The following CHCHD4 variants were observed in gnomAD, a reference collection of about 807,000 sequenced individuals.
CHCHD4 encodes the protein coiled-coil-helix-coiled-coil-helix domain containing 4.
A neutral mutation model predicts 12.4 loss-of-function variants in CHCHD4; 7 were observed. The observed-to-expected ratio is 0.57, with a 90% CI of 0.32 to 1.06. The LOEUF (loss-of-function observed/expected upper bound fraction) is 1.06, where lower values mean the gene tolerates loss of function less well. CHCHD4 is among the 50% of genes least tolerant of loss of function. The probability of loss-of-function intolerance (pLI) is 0.04; values close to 1 mark genes in which losing one functional copy is unlikely to be tolerated. For missense variants in CHCHD4, 143 were observed against 175.1 expected (o/e 0.82, Z 1.03); for synonymous variants, 56 against 58.0 (o/e 0.97, Z 0.16).
intron 1 of CHCHD4, chr3:14,122,114 A>G (rs776104856): frequency 1.9e-6 from 3 of 1,550,750 alleles, no homozygotes; most frequent in Non-Finnish European, 2.6e-6. Context: ...GGTTTTAAGT[A>G]GTGTTCGCTC....
chr3:14,120,140 C>G (rs1037747978), intron 1 of CHCHD4, among the ~76,000 whole-genome samples: 5 of 151,974 alleles, frequency 3.3e-5, no homozygotes, highest in Admixed American at 6.6e-5. Flanking sequence ...ACTGGAGGCC[C>G]GAGGGGTTAC....
intron 2 of CHCHD4, among the ~76,000 whole-genome samples, chr3:14,114,571 C>A (rs543552809): frequency 1.9e-3 from 288 of 152,306 alleles, no homozygotes; most frequent in Middle Eastern, 6.8e-3. Context: ...AGCTTCAAAT[C>A]TGCTCACAAA....
intron 1 of CHCHD4, chr3:14,122,175 G>C: frequency 6.8e-7 from 1 of 1,471,834 alleles, no homozygotes; most frequent in Non-Finnish European, 9.0e-7. Context: ...GCATTTAAAA[G>C]GATGTCTGAA....
At chr3:14,123,544 G>A (rs1464002297) in intron 1 of CHCHD4, among the ~76,000 whole-genome samples, 2 of 152,228 alleles carry the variant, frequency 1.3e-5, no homozygotes, top group Non-Finnish European at 1.5e-5. Context: ...CTAACTGGAT[G>A]TGTAACTACA....
At position 14,120,020 on chromosome 3, in the gene CHCHD4, C is replaced by T. The variant is rs550177673; in HGVS notation, c.23-3496G>A. Among the ~76,000 whole-genome samples the T allele has an allele frequency of 2.6e-5, 4 of 152,256 alleles. 1 individual carries two copies. The Middle Eastern group carries it at 0.01, about 388-fold the overall frequency. On this transcript the variant is annotated intron_variant, in intron 1 of 2. Coordinates refer to ENST00000396914, the MANE Select transcript of CHCHD4 (RefSeq NM_001098502.2). ...TTTTGGAAATGGGAGAGCTGATGGT[C>T]GAGTGCTCTCTGACTTAACCAGTGA...
rs772270208 is a variant in CHCHD4 at position 14,124,687 on chromosome 3, C to G, written c.-11G>C. On this transcript the variant is annotated 5_prime_UTR_variant, in exon 1 of 3. Coordinates refer to ENST00000396914, the MANE Select transcript of CHCHD4 (RefSeq NM_001098502.2). ...CCGGCAATAGGACATGGCTGCAGCCCGTCCCTGAGACCTTGCAGAAGCGGC... is the reference window on the plus strand; with the variant it reads ...CCGGCAATAGGACATGGCTGCAGCCGGTCCCTGAGACCTTGCAGAAGCGGC... 4.2e-5 allele frequency: 64 copies of G among 1,528,096 alleles called. No homozygotes were observed. Among genetic ancestry groups the G allele is most frequent in the South Asian group, 1.8e-4 (15 of 81,450 alleles). The allele number at this position is 1,528,096 out of a possible 1,614,324, so 94.7% of individuals were successfully genotyped here. A position where few individuals can be genotyped will look rare whatever the true frequency, so the allele number is the denominator to read the frequency against.
intron 1 of CHCHD4, among the ~76,000 whole-genome samples, chr3:14,122,726 C>T (rs186181818): frequency 2.6e-5 from 4 of 152,154 alleles, no homozygotes; most frequent in African/African-American, 7.2e-5. Context: ...CAGCTTAGTG[C>T]GAGAAGACAG....
At chr3:14,116,789 GACTGAGC>G (rs1233084269) in intron 1 of CHCHD4, among the ~76,000 whole-genome samples, 4 of 152,108 alleles carry the variant, frequency 2.6e-5, no homozygotes, top group Non-Finnish European at 5.9e-5. Flanking sequence ...GTTGAAGGAA[GACTGAGC>G]ACATTGGCAA....
chr3:14,123,409 G>C (rs780561684), intron 1 of CHCHD4, among the ~76,000 whole-genome samples: 39 of 152,318 alleles, frequency 2.6e-4, no homozygotes, highest in Non-Finnish European at 5.3e-4. Flanking sequence ...GTAGTAATCA[G>C]CGGAAATATA....
At chr3:14,115,534 C>T (rs772772747) in intron 2 of CHCHD4, among the ~76,000 whole-genome samples, 12 of 152,204 alleles carry the variant, frequency 7.9e-5, no homozygotes, top group African/African-American at 1.4e-4. Context: ...CTTTGTATAA[C>T]GTCTGCATTT....
At chr3:14,113,271 AG>A (rs1694841404) in intron 2 of CHCHD4, 77 bp from the exon 3 acceptor site, 9 of 1,225,950 alleles carry the variant, frequency 7.3e-6, no homozygotes, top group Non-Finnish European at 9.2e-6. Context: ...CAGGCTACTG[AG>A]GGGGTGCAGA....
At chr3:14,124,420 G>A (rs947210153) in intron 1 of CHCHD4, among the ~76,000 whole-genome samples, 1 of 152,190 alleles carries the variant, frequency 6.6e-6, no homozygotes, top group African/African-American at 2.4e-5. Context: ...TCTGAGGTCA[G>A]GGTTCGGGCT....
At chr3:14,121,837 GTGTC>G in intron 1 of CHCHD4, 4 of 1,609,880 alleles carry the variant, frequency 2.5e-6, no homozygotes, top group Non-Finnish European at 3.4e-6. Context: ...ACAGAATCAA[GTGTC>G]TGTGAAGAAT....
rs1694836755 is a variant in CHCHD4, at chr3:14,112,955, C to G, written c.361G>C (p.Ala121Pro). The G allele has an allele frequency of 1.2e-6, 2 of 1,612,680 alleles. No individual in the cohort carries two copies. The highest frequency in any genetic ancestry group is 2.2e-5 in the East Asian group (1 of 44,838). ...GGAGCTGTTTCTTCTGCTTGTTCTG[C>G]TGGCTTCTTCTCTCTTTCCTCTTCC... is the stretch of plus-strand genomic sequence containing the variant. ...DEEEEREKKPAEQAEETAPIE... is the reference protein window; with the variant it reads ...DEEEEREKKPPEQAEETAPIE... The change falls in exon 3 of 3, where the codon GCA becomes CCA. Residue 121 changes from alanine to proline, a missense_variant. Physicochemically the swap from Ala to Pro is conservative, Grantham distance 27. Coordinates refer to ENST00000396914, the MANE Select transcript of CHCHD4 (RefSeq NM_001098502.2).
chr3:14,116,543 A>T lies in CHCHD4; in HGVS notation c.23-19T>A, dbSNP rs748309540. On this transcript the variant is annotated intron_variant, in intron 1 of 2. Coordinates refer to ENST00000396914, the MANE Select transcript of CHCHD4 (RefSeq NM_001098502.2). ...TCCTTCCCTAGTGTTTGGAGAACAG[A>T]GGAAGAAATATTTCATTCAAGAGCA... 1 of 1,552,776 alleles carries T rather than the reference A, an allele frequency of 6.4e-7. No individual in the cohort carries two copies.
chr3:14,124,365 G>A (rs1341408636), intron 1 of CHCHD4, among the ~76,000 whole-genome samples: 2 of 152,134 alleles, frequency 1.3e-5, no homozygotes, highest in East Asian at 1.9e-4. Flanking sequence ...GGCACTTCCC[G>A]TGCCCCAACC....
At chr3:14,121,833 T>G in intron 1 of CHCHD4, 1 of 1,607,918 alleles carries the variant, frequency 6.2e-7, no homozygotes, top group Non-Finnish European at 8.5e-7. Flanking sequence ...CCATACAGAA[T>G]CAAGTGTCTG....
At chr3:14,118,537 C>T (rs574176466) in intron 1 of CHCHD4, among the ~76,000 whole-genome samples, 3 of 152,352 alleles carry the variant, frequency 2.0e-5, no homozygotes, top group African/African-American at 7.2e-5. Context: ...CATGCCCACA[C>T]TGCACAGGGT....
At chr3:14,124,322 C>T (rs1444803742) in intron 1 of CHCHD4, among the ~76,000 whole-genome samples, 1 of 152,200 alleles carries the variant, frequency 6.6e-6, no homozygotes, top group African/African-American at 2.4e-5. Context: ...AACCACCATA[C>T]ATTCCCAGTT....
Sources: allele counts gnomAD v4.1 joint callset (sites outside exome capture counted in the v4.1 genomes callset), GRCh38; gene constraint gnomAD v4.1.1; transcripts MANE v1.5; gene names NCBI Gene and HGNC (gene_info 2026-07-23, HGNC 2026-07-21).